KIF13A: variants seen among roughly 807,000 people sequenced by gnomAD.
KIF13A encodes the protein kinesin family member 13A.
In KIF13A, 79 loss-of-function variants were observed where a neutral mutation model predicts 212.2. That is an observed-to-expected ratio of 0.37 (90% CI 0.31 to 0.45). KIF13A has a LOEUF of 0.45. Among genes scored for constraint, KIF13A ranks in the 20% least tolerant of loss-of-function variants. The pLI is 1.00. For missense variants in KIF13A, 1,901 were observed against 2,209.0 expected (o/e 0.86, Z 2.79); for synonymous variants, 789 against 808.6 (o/e 0.98, Z 0.41).
chr6:17,795,782 T>G (rs1581950875), intron 23 of KIF13A, among the ~76,000 whole-genome samples: 1 of 152,212 alleles, frequency 6.6e-6, no homozygotes, highest in East Asian at 1.9e-4. Context: ...GGTCTTTTGA[T>G]GAGCACATGC....
rs1391828046 is a variant in KIF13A, at chr6:17,783,159, T to C, written c.3544+487A>G. 6.6e-6 allele frequency among the ~76,000 whole-genome samples: 1 copy of C among 152,212 alleles called. No individual in the cohort carries two copies. The highest frequency in any genetic ancestry group is 1.5e-5 in the Non-Finnish European group (1 of 68,032). On this transcript the variant is annotated intron_variant, in intron 29 of 38. Transcript: ENST00000259711. This position sits in a 1 kb window ranked among gnomAD's most constrained non-coding sequence, Gnocchi z 4.3. ...TCTACACATGGGGTTCCAGTTAATA[T>C]TTCGTTTAGAAAAGGATTGTTCTGC...
chr6:17,816,902 A>T lies in KIF13A; in HGVS notation c.2000+118T>A. 1.4e-6 allele frequency: 1 copy of T among 712,268 alleles called. No individual in the cohort carries two copies. The highest frequency in any genetic ancestry group is 2.3e-6 in the Non-Finnish European group (1 of 436,022). 44.1% of individuals were successfully genotyped at this position (712,268 alleles called of 1,614,324 possible). The stretch of plus-strand genomic sequence containing the variant: ...GAAAAGCTAATTGGCAATATCACGT[A>T]TGGGATTAAGAGTTCTCTTGTTGCT... On this transcript the variant is annotated intron_variant, in intron 17 of 38. Transcript: ENST00000259711. The surrounding 1 kb of genome is among the most constrained non-coding windows in gnomAD (Gnocchi z 4.3).
intron 2 of KIF13A, among the ~76,000 whole-genome samples, chr6:17,970,134 G>A (rs1779684979): frequency 6.6e-6 from 1 of 151,722 alleles, no homozygotes; most frequent in African/African-American, 2.4e-5. Context: ...GTGTTAGCTG[G>A]GATGGTCTCG....
chr6:17,901,994 C>G (rs538829704), intron 2 of KIF13A, among the ~76,000 whole-genome samples: 4 of 152,134 alleles, frequency 2.6e-5, no homozygotes, highest in Non-Finnish European at 5.9e-5. Flanking sequence ...AAGACTCAAT[C>G]TCAAAAATAA....
At chr6:17,803,401 G>T (rs1189585973) in intron 20 of KIF13A, among the ~76,000 whole-genome samples, 1 of 152,092 alleles carries the variant, frequency 6.6e-6, no homozygotes, top group Non-Finnish European at 1.5e-5. Flanking sequence ...AGTGGAGGGT[G>T]GGCTGTGCAC....
At chr6:17,939,028 T>C (rs1776730804) in intron 2 of KIF13A, among the ~76,000 whole-genome samples, 2 of 152,156 alleles carry the variant, frequency 1.3e-5, no homozygotes, top group Admixed American at 1.3e-4. Flanking sequence ...TGTAAGCAAA[T>C]TGGCACAAAT....
chr6:17,975,428 G>C (rs1020437583), intron 2 of KIF13A, among the ~76,000 whole-genome samples: 1 of 152,058 alleles, frequency 6.6e-6, no homozygotes, highest in African/African-American at 2.4e-5. Context: ...TGGTGGGTTC[G>C]TGATCTCGCT....
chr6:17,892,115 A>G lies in KIF13A; in HGVS notation c.159+6053T>C, dbSNP rs1772116997. Among the ~76,000 whole-genome samples, 1 of 152,140 alleles carries G rather than the reference A, an allele frequency of 6.6e-6. No individual in the cohort carries two copies. The highest frequency in any genetic ancestry group is 6.5e-5 in the Admixed American group (1 of 15,284). On this transcript the variant is annotated intron_variant, in intron 3 of 38. Coordinates refer to ENST00000259711, the MANE Select transcript of KIF13A (RefSeq NM_022113.6). This position sits in a 1 kb window ranked among gnomAD's most constrained non-coding sequence, Gnocchi z 4.7. ...TCACTTCCAACTCAGCCCACTCTAGAACGTAATCAACTTCCCACTGAACCA... is the reference window on the plus strand; with the variant it reads ...TCACTTCCAACTCAGCCCACTCTAGGACGTAATCAACTTCCCACTGAACCA...
At chr6:17,846,670 T>C (rs978573916) in intron 9 of KIF13A, among the ~76,000 whole-genome samples, 2 of 149,578 alleles carry the variant, frequency 1.3e-5, no homozygotes, top group African/African-American at 4.9e-5. Context: ...TTCCATTCAA[T>C]TCAACCAGTC....
At chr6:17,810,291 G>A (rs918821667) in intron 17 of KIF13A, among the ~76,000 whole-genome samples, 3 of 152,198 alleles carry the variant, frequency 2.0e-5, no homozygotes, top group Non-Finnish European at 2.9e-5. Context: ...TCCACTGCAA[G>A]ACAGTCCTTA....
In KIF13A at chr6:17,850,395, G is replaced by A. The variant is rs201853195; in HGVS notation, c.645C>T (p.Asn215=). 4,412 of 1,613,788 alleles carry A rather than the reference G, an allele frequency of 2.7e-3. 11 individuals are homozygous for A. Among genetic ancestry groups the A allele is most frequent in the Non-Finnish European group, 3.3e-3 (3,939 of 1,179,804 alleles). The change falls in exon 8 of 39, where the codon AAC becomes AAT. Residue 215 remains asparagine (N), a synonymous_variant. Coordinates refer to ENST00000259711, the MANE Select transcript of KIF13A (RefSeq NM_022113.6). The surrounding 1 kb of genome is among the most constrained non-coding windows in gnomAD (Gnocchi z 6.2). ...KSRTVAATNM[N]EESSRSHAVF... Reference sequence around the variant, plus strand: ...CAGCATGGGAGCGGCTGCTTTCTTCGTTCATGTTGGTAGCAGCTACCGTTC... The same window carrying A: ...CAGCATGGGAGCGGCTGCTTTCTTCATTCATGTTGGTAGCAGCTACCGTTC...
Position 17,811,643 on chromosome 6 carries a change from C to A in KIF13A, c.2001-2713G>T, listed in dbSNP as rs1204206122. 6.6e-6 allele frequency among the ~76,000 whole-genome samples: 1 copy of A among 152,190 alleles called. No individual in the cohort carries two copies. The highest frequency in any genetic ancestry group is 1.5e-5 in the Non-Finnish European group (1 of 68,036). ...TAGGTAAGAGTCCTTCATTATTTCA[C>A]AACCCATCAACAATTTACTTAGGTA... On this transcript the variant is annotated intron_variant, in intron 17 of 38. Transcript: ENST00000259711. The surrounding 1 kb of genome is among the most constrained non-coding windows in gnomAD (Gnocchi z 6.0).
chr6:17,962,321 GA>G (rs896040052), intron 2 of KIF13A, among the ~76,000 whole-genome samples: 46 of 146,496 alleles, frequency 3.1e-4, no homozygotes, highest in Admixed American at 1.2e-3. Flanking sequence ...AAAAAACAAA[GA>G]AAAAAAAAAC....
chr6:17,870,188 T>A (rs960623740), intron 4 of KIF13A, among the ~76,000 whole-genome samples: 2 of 152,202 alleles, frequency 1.3e-5, no homozygotes, highest in Non-Finnish European at 2.9e-5. Flanking sequence ...TGGGAATATC[T>A]GAAGAATAAG....
intron 2 of KIF13A, among the ~76,000 whole-genome samples, chr6:17,930,467 C>T (rs1268816645): frequency 1.3e-5 from 2 of 152,040 alleles, no homozygotes; most frequent in African/African-American, 4.8e-5. Flanking sequence ...TTCCTGGAAA[C>T]AGGGTAATAG....
chr6:17,986,506 T>C (rs1202763182), intron 2 of KIF13A, among the ~76,000 whole-genome samples: 2 of 151,374 alleles, frequency 1.3e-5, no homozygotes, highest in Non-Finnish European at 2.9e-5. Context: ...TGAGGCATTA[T>C]CTCAACTCAG....
intron 2 of KIF13A, among the ~76,000 whole-genome samples, chr6:17,981,824 A>G (rs1484037473): frequency 6.6e-6 from 1 of 152,174 alleles, no homozygotes; most frequent in African/African-American, 2.4e-5. Context: ...AGGTGATTTT[A>G]TAATGTGGAG....
chr6:17,814,256 T>A (rs1177824454), intron 17 of KIF13A, among the ~76,000 whole-genome samples: 1 of 143,600 alleles, frequency 7.0e-6, no homozygotes, highest in Non-Finnish European at 1.5e-5. Flanking sequence ...CGGCTTTTTT[T>A]TTTTTTTTTT....
intron 3 of KIF13A, among the ~76,000 whole-genome samples, chr6:17,884,354 C>A (rs1461295673): frequency 6.6e-5 from 10 of 152,212 alleles, no homozygotes; most frequent in Non-Finnish European, 1.5e-5. Context: ...TTCGCTCCCC[C>A]ATTAATAGCA....
Sources: allele counts gnomAD v4.1 joint callset (sites outside exome capture counted in the v4.1 genomes callset), GRCh38; gene constraint gnomAD v4.1.1; non-coding constraint Gnocchi (gnomAD v3.1); transcripts MANE v1.5; gene names NCBI Gene and HGNC (gene_info 2026-07-23, HGNC 2026-07-21).